Variants in CD33 observed in about 807,000 individuals in gnomAD.
CD33 encodes the protein CD33 molecule.
CD33 carries 25 observed loss-of-function variants against 31.4 expected under a neutral mutation model. The observed-to-expected ratio is 0.80, with a 90% CI of 0.58 to 1.11. The LOEUF (loss-of-function observed/expected upper bound fraction) is 1.11, where lower values mean the gene tolerates loss of function less well. CD33 is among the 50% of genes most tolerant of loss of function. The pLI is 0.00. For synonymous variants in CD33, 176 were observed against 180.6 expected, an observed-to-expected ratio of 0.97 and a Z score of 0.20; for missense variants, 407 against 448.1, an observed-to-expected ratio of 0.91 and a Z score of 0.83.
the CD33 span, chr19:51,211,635 C>T: frequency 7.5e-7 from 1 of 1,339,520 alleles, no homozygotes; most frequent in South Asian, 1.4e-5. Context: ...GTCAAAGGGA[C>T]CTCAGGACAG....
chr19:51,222,488 G>A (rs1195430260), upstream of CD33, among the ~76,000 whole-genome samples: 10 of 152,168 alleles, frequency 6.6e-5, no homozygotes, highest in Admixed American at 6.5e-4. Context: ...ATCAATAGGT[G>A]AGAAATAAAA....
intron 6 of CD33, 185 bp from the exon 7 acceptor site, chr19:51,239,333 T>C (rs920371999): frequency 4.5e-6 from 2 of 443,720 alleles, no homozygotes; most frequent in African/African-American, 4.0e-5. Flanking sequence ...TGCGAATCAA[T>C]CAATACGTGC....
At chr19:51,212,124 C>T in the CD33 span, 7 of 566,184 alleles carry the variant, frequency 1.2e-5, no homozygotes, top group Non-Finnish European at 2.2e-5. Flanking sequence ...GGGGGAGGAC[C>T]AGGAGAGAGG....
intron 6 of CD33, chr19:51,239,314 C>A: frequency 2.4e-6 from 1 of 416,150 alleles, no homozygotes; most frequent in Non-Finnish European, 4.2e-6. Flanking sequence ...TGTGAGTATT[C>A]AAGAGAATTG....
rs923069854 is a variant in CD33, at chr19:51,235,142, C to T, written c.746-15C>T. ...ATCTAGATTAGAATTCACCCCAAAT[C>T]TTTTTTGTCTGCAGGGAAACAAGAG... On this transcript the variant is annotated splice_polypyrimidine_tract_variant and intron_variant, in intron 4 of 6. Transcript: ENST00000262262. 44 of 1,608,218 alleles carry T rather than the reference C, an allele frequency of 2.7e-5. No individual in the cohort carries two copies. Among genetic ancestry groups the T allele is most frequent in the Non-Finnish European group, 3.4e-5 (40 of 1,174,692 alleles).
At position 51,235,675 on chromosome 19, in the gene CD33, C is replaced by T. The variant is rs374978260; in HGVS notation, c.923C>T (p.Pro308Leu). 199 of 1,612,112 alleles carry T rather than the reference C, an allele frequency of 1.2e-4. 2 individuals are homozygous for T. The highest frequency in any genetic ancestry group is 7.5e-4 in the South Asian group (68 of 90,532). The change falls in exon 6 of 7, where the codon CCG becomes CTG. Residue 308 changes from proline (P) to leucine (L), a missense_variant and splice_region_variant. Transcript: ENST00000262262. The part of the protein sequence containing the change: ...DTHPTTGSAS[P>L]KHQKKSKLHG... ...CACCCTACCACAGGGTCAGCCTCCC[C>T]GGTGAGTGATGGGGCATCCTGGCAT...
the CD33 span, among the ~76,000 whole-genome samples, chr19:51,215,462 G>A: frequency 1.3e-4 from 20 of 152,216 alleles, no homozygotes; most frequent in South Asian, 2.3e-3. Context: ...TATATGCCCC[G>A]ATCTCTTCAC....
At chr19:51,224,240 C>T (rs1372931498), upstream of CD33, among the ~76,000 whole-genome samples, 1 of 152,160 alleles carries the variant, frequency 6.6e-6, no homozygotes, top group Non-Finnish European at 1.5e-5. Context: ...TGTCTGTACC[C>T]ATACATCTTT....
chr19:51,215,415 G>T, the CD33 span, among the ~76,000 whole-genome samples: 3 of 152,122 alleles, frequency 2.0e-5, no homozygotes, highest in Non-Finnish European at 4.4e-5. Context: ...ACAGGGAGGT[G>T]AGTCTGCTGC....
the CD33 span, among the ~76,000 whole-genome samples, chr19:51,218,345 A>G: frequency 6.6e-6 from 1 of 152,110 alleles, no homozygotes; most frequent in African/African-American, 2.4e-5. Flanking sequence ...CTGCCTATTC[A>G]TGTCTTTTGC....
the CD33 span, among the ~76,000 whole-genome samples, chr19:51,216,220 CCGAG>C: frequency 8.6e-5 from 7 of 81,480 alleles, no homozygotes; most frequent in South Asian, 7.3e-4. Context: ...TAAATGTCAC[CCGAG>C]TGTGTGTGTG....
At position 51,225,917 on chromosome 19, in the gene CD33, C is replaced by T; in HGVS notation, c.533C>T (p.Ser178Phe). The change falls in exon 3 of 7, where the codon TCC becomes TTC. Residue 178 changes from serine (S) to phenylalanine (F), a missense_variant. Transcript: ENST00000262262. ...ACEQGTPPIF[S>F]WLSAAPTSLG... ...GAGCAGGGAACACCCCCGATCTTCT[C>T]CTGGTTGTCAGCTGCCCCCACCTCC... The T allele has an allele frequency of 2.5e-6, 4 of 1,614,064 alleles. No homozygotes were observed. Among genetic ancestry groups the T allele is most frequent in the Middle Eastern group, 1.6e-4 (1 of 6,062 alleles).
At chr19:51,231,523 CATTG>C (rs1018392569) in intron 4 of CD33, among the ~76,000 whole-genome samples, 2 of 151,530 alleles carry the variant, frequency 1.3e-5, no homozygotes, top group Admixed American at 1.3e-4. Flanking sequence ...ATTTTCATTT[CATTG>C]ATTGTTTTCT....
chr19:51,214,666 T>C, the CD33 span, among the ~76,000 whole-genome samples: 5 of 152,234 alleles, frequency 3.3e-5, no homozygotes, highest in African/African-American at 1.2e-4. Flanking sequence ...GTCCATTTTT[T>C]CATTGGATAA....
intron 4 of CD33, among the ~76,000 whole-genome samples, chr19:51,231,951 G>C (rs890622246): frequency 2.0e-5 from 3 of 151,980 alleles, no homozygotes; most frequent in Admixed American, 6.6e-5. Context: ...TAGAGGTAGG[G>C]TGTTGCCATT....
rs1260843495 is a variant in CD33, at chr19:51,230,286, T to C, written c.745+3930T>C. On this transcript the variant is annotated intron_variant, in intron 4 of 6. Transcript: ENST00000262262. Reference sequence around the variant, plus strand: ...GGCACTTGTTTTGTGTTCTAACATATGGTCGATCCTTGGGAATGTTGCACA... The same window carrying C: ...GGCACTTGTTTTGTGTTCTAACATACGGTCGATCCTTGGGAATGTTGCACA... Among the ~76,000 whole-genome samples the C allele has an allele frequency of 3.4e-5, 5 of 146,630 alleles. No individual in the cohort carries two copies. The East Asian group carries it at 6.1e-4, about 18-fold the overall frequency.
At chr19:51,229,030 C>T (rs1981227867) in intron 4 of CD33, among the ~76,000 whole-genome samples, 1 of 152,114 alleles carries the variant, frequency 6.6e-6, no homozygotes, top group Non-Finnish European at 1.5e-5. Context: ...ATGGGTTTGT[C>T]ATATATGGCC....
intron 4 of CD33, among the ~76,000 whole-genome samples, chr19:51,230,237 A>AC (rs1050983740): frequency 0.45 from 425 of 952 alleles, 1 homozygote; most frequent in East Asian, 0.49. Context: ...GATACTTGAT[A>AC]CATTTTGGTT....
chr19:51,233,086 G>A (rs1599872728), intron 4 of CD33, among the ~76,000 whole-genome samples: 1 of 152,210 alleles, frequency 6.6e-6, no homozygotes, highest in East Asian at 1.9e-4. Flanking sequence ...GTCTAAAAGG[G>A]TTGGCTCACA....
Sources: allele counts gnomAD v4.1 joint callset (sites outside exome capture counted in the v4.1 genomes callset), GRCh38; gene constraint gnomAD v4.1.1; transcripts MANE v1.5; gene names NCBI Gene and HGNC (gene_info 2026-07-23, HGNC 2026-07-21).